The following SPAG16 variants were observed in gnomAD, a reference collection of about 807,000 sequenced individuals.
SPAG16 encodes sperm associated antigen 16, also known as sperm-associated antigen 16 protein.
SPAG16 carries 86 observed loss-of-function variants against 80.4 expected under a neutral mutation model. The observed-to-expected ratio is 1.07, with a 90% CI of 0.90 to 1.28. SPAG16 has a LOEUF of 1.28. SPAG16 is among the 50% of genes most tolerant of loss of function. The pLI is 0.00. For synonymous variants in SPAG16, 294 were observed against 265.9 expected (o/e 1.11, Z -1.03); for missense variants, 870 against 765.3 (o/e 1.14, Z -1.61).
At chr2:214,066,386 G>GA (rs940341873) in intron 13 of SPAG16, among the ~76,000 whole-genome samples, 1 of 152,082 alleles carries the variant, frequency 6.6e-6, no homozygotes, top group Non-Finnish European at 1.5e-5. Flanking sequence ...TCAAGGCTCA[G>GA]AAAAAATGCC....
intron 15 of SPAG16, among the ~76,000 whole-genome samples, chr2:214,222,151 G>A (rs907563432): frequency 2.5e-5 from 3 of 119,186 alleles, no homozygotes; most frequent in East Asian, 4.9e-4. Context: ...AGTTTCGCTC[G>A]TCTCACTCAG....
chr2:213,518,530 C>T (rs1349799521), intron 10 of SPAG16, among the ~76,000 whole-genome samples: 1 of 152,088 alleles, frequency 6.6e-6, no homozygotes, highest in African/African-American at 2.4e-5. Flanking sequence ...GCTGGGATTA[C>T]AGGCATGAGC....
At chr2:213,444,101 CT>C (rs2071152513) in intron 9 of SPAG16, among the ~76,000 whole-genome samples, 2 of 152,174 alleles carry the variant, frequency 1.3e-5, no homozygotes, top group Admixed American at 1.3e-4. Context: ...CCTCTTTGTT[CT>C]GTAGCCTAGG....
At chr2:213,931,123 G>C (rs1261117385) in intron 12 of SPAG16, among the ~76,000 whole-genome samples, 1 of 152,012 alleles carries the variant, frequency 6.6e-6, no homozygotes, top group African/African-American at 2.4e-5. Flanking sequence ...TACTTAGTTA[G>C]CAACTTTATT....
chr2:214,043,271 A>T (rs1167786267), intron 13 of SPAG16, among the ~76,000 whole-genome samples: 1 of 152,130 alleles, frequency 6.6e-6, no homozygotes, highest in Non-Finnish European at 1.5e-5. Context: ...GAAGAGCCTG[A>T]TATATCCTGG....
At chr2:214,390,753 G>A (rs573214195) in intron 15 of SPAG16, among the ~76,000 whole-genome samples, 1 of 152,174 alleles carries the variant, frequency 6.6e-6, no homozygotes, top group Non-Finnish European at 1.5e-5. Flanking sequence ...GTAGAGCCAA[G>A]GGGAAAGTTA....
intron 10 of SPAG16, among the ~76,000 whole-genome samples, chr2:213,639,589 G>A (rs2062508523): frequency 6.6e-6 from 1 of 152,144 alleles, no homozygotes; most frequent in Non-Finnish European, 1.5e-5. Flanking sequence ...CTAGCTTACA[G>A]GGTTTCTGCT....
intron 10 of SPAG16, among the ~76,000 whole-genome samples, chr2:213,627,237 A>C (rs2061993312): frequency 6.6e-6 from 1 of 152,226 alleles, no homozygotes; most frequent in Non-Finnish European, 1.5e-5. Context: ...TGCATGGCAG[A>C]GAGCGTTCCT....
At chr2:214,233,783 C>T (rs1326235455) in intron 15 of SPAG16, among the ~76,000 whole-genome samples, 1 of 152,060 alleles carries the variant, frequency 6.6e-6, no homozygotes, top group Non-Finnish European at 1.5e-5. Context: ...CAATCCTGTA[C>T]ATGAGGATGT....
chr2:213,678,134 T>C (rs1443555187), intron 10 of SPAG16, among the ~76,000 whole-genome samples: 2 of 151,954 alleles, frequency 1.3e-5, no homozygotes, highest in African/African-American at 4.8e-5. Flanking sequence ...TAGAGGGAAA[T>C]TTATAGCACT....
intron 10 of SPAG16, among the ~76,000 whole-genome samples, chr2:213,820,229 C>G (rs1333387819): frequency 2.0e-5 from 3 of 152,078 alleles, no homozygotes; most frequent in African/African-American, 7.2e-5. Flanking sequence ...CGCATGGCAC[C>G]ACACCCAGCT....
At chr2:213,635,636 G>A (rs1217700025) in intron 10 of SPAG16, among the ~76,000 whole-genome samples, 7 of 151,708 alleles carry the variant, frequency 4.6e-5, no homozygotes, top group African/African-American at 9.7e-5. Flanking sequence ...ATTGCATTGC[G>A]GTTTTGATTT....
chr2:214,048,611 T>C lies in SPAG16; in HGVS notation c.1527+34534T>C, dbSNP rs531379649. On this transcript the variant is annotated intron_variant, in intron 13 of 15. Coordinates refer to ENST00000331683, the MANE Select transcript of SPAG16 (RefSeq NM_024532.5). ...GTAGGAATGATTAATAGACACAAAA[T>C]ATAGAAAGAATGAATAAGACCTAGT... is the stretch of plus-strand genomic sequence containing the variant. 3.3e-5 allele frequency among the ~76,000 whole-genome samples: 5 copies of C among 151,936 alleles called. No individual in the cohort carries two copies. The South Asian group carries it at 1.0e-3, about 32-fold the overall frequency.
At chr2:213,437,792 T>G (rs1246337163) in intron 9 of SPAG16, among the ~76,000 whole-genome samples, 2 of 152,240 alleles carry the variant, frequency 1.3e-5, no homozygotes, top group African/African-American at 4.8e-5. Flanking sequence ...CGTATTTATA[T>G]TATTCTTCCT....
intron 15 of SPAG16, among the ~76,000 whole-genome samples, chr2:214,195,290 G>T (rs1299455544): frequency 4.4e-5 from 2 of 45,654 alleles, no homozygotes; most frequent in African/African-American, 1.8e-4. Flanking sequence ...AACACACACA[G>T]ATAGATGAGA....
intron 15 of SPAG16, among the ~76,000 whole-genome samples, chr2:214,268,140 G>C (rs1282000858): frequency 6.6e-6 from 1 of 151,068 alleles, no homozygotes; most frequent in African/African-American, 2.4e-5. Context: ...CCTCACACCT[G>C]TTAGGGCAAC....
In SPAG16 at chr2:213,899,640, T is replaced by C. The variant is rs57176592; in HGVS notation, c.1215-30320T>C. The stretch of plus-strand genomic sequence containing the variant: ...ACTATAATATTCTATAATATGACCA[T>C]TGATGGAAAACAACCACGTTTATAT... On this transcript the variant is annotated intron_variant, in intron 11 of 15. Transcript: ENST00000331683. Among the ~76,000 whole-genome samples the C allele has an allele frequency of 3.3e-5, 5 of 152,156 alleles. 1 individual carries two copies. In the East Asian group the frequency reaches 7.7e-4, roughly 24 times the overall value.
chr2:214,225,850 A>G (rs2058686704), intron 15 of SPAG16, among the ~76,000 whole-genome samples: 1 of 152,156 alleles, frequency 6.6e-6, no homozygotes, highest in South Asian at 2.1e-4. Context: ...TCAAATTTAT[A>G]AACTGCCTGC....
intron 13 of SPAG16, among the ~76,000 whole-genome samples, chr2:214,086,917 G>A (rs2051806687): frequency 6.6e-6 from 1 of 152,134 alleles, no homozygotes; most frequent in African/African-American, 2.4e-5. Flanking sequence ...AATGCCCAAT[G>A]AACAACATGA....
Sources: allele counts gnomAD v4.1 joint callset (sites outside exome capture counted in the v4.1 genomes callset), GRCh38; gene constraint gnomAD v4.1.1; transcripts MANE v1.5; gene names NCBI Gene and HGNC (gene_info 2026-07-23, HGNC 2026-07-21).